GTPBP8: variants seen among roughly 807,000 people sequenced by gnomAD.
GTPBP8 encodes the protein GTP-binding protein 8.
Under a neutral mutation model 27.3 loss-of-function variants are expected in GTPBP8, and 21 were observed. The observed-to-expected ratio is 0.77, with a 90% confidence interval of 0.55 to 1.11. The LOEUF (loss-of-function observed/expected upper bound fraction) is 1.11, where lower values mean the gene tolerates loss of function less well. Among genes scored for constraint, GTPBP8 ranks in the 50% least tolerant of loss-of-function variants. The pLI is 0.00. For missense variants in GTPBP8, 380 were observed against 350.8 expected (o/e 1.08, Z -0.67); for synonymous variants, 147 against 135.3 (o/e 1.09, Z -0.60).
rs1272273403 is a variant in GTPBP8 at position 113,000,921 on chromosome 3, G to A, written c.*2G>A. ...AGTGTAACAGGAAGTCTTGACTAAT[G>A]GTTCCCGGTTTAGCTGAAGATTCAA... On this transcript the variant is annotated 3_prime_UTR_variant, in exon 6 of 6. Transcript: ENST00000383678. 2.0e-6 allele frequency: 3 copies of A among 1,515,152 alleles called. No individual in the cohort carries two copies. The allele number at this position is 1,515,152 out of a possible 1,614,324, so 93.9% of individuals were successfully genotyped here. A position where few individuals can be genotyped will look rare whatever the true frequency, so the allele number is the denominator to read the frequency against.
At position 112,993,053 on chromosome 3, in the gene GTPBP8, G is replaced by T. The variant is rs776244739; in HGVS notation, c.364G>T (p.Gly122Ter). 2 of 1,609,436 alleles carry T rather than the reference G, an allele frequency of 1.2e-6. No individual in the cohort carries two copies. Among genetic ancestry groups the T allele is most frequent in the African/African-American group, 2.7e-5 (2 of 74,770 alleles). Residue 122 changes from glycine to a stop codon, truncating the protein, a stop_gained, in exon 2 of 6, where the codon GGA becomes TGA. Transcript: ENST00000383678. LOFTEE classifies it high-confidence loss of function. The stretch of plus-strand genomic sequence containing the variant: ...GTGTTTTATAGGCAGAAGCAATGTT[G>T]GAAAATCATCTCTAATCAAGGCTTT... ...EVCFIGRSNV[G>*]KSSLIKALFS...
rs1933798795 is a variant in GTPBP8 at position 112,996,944 on chromosome 3, G to C, written c.619G>C (p.Asp207His). ...VDSVVGIQKT[D>H]NIAIEMCEEF... ...TAGCGTTGTTGGAATTCAAAAAACA[G>C]ACAATATTGCCATAGAAATGTGTGA... The change falls in exon 4 of 6, where the codon GAC (aspartate) becomes CAC (histidine). Residue 207 changes from aspartate to histidine, a missense_variant. Physicochemically the swap from Asp to His is moderately conservative, Grantham distance 81. Transcript: ENST00000383678. 6.3e-7 allele frequency: 1 copy of C among 1,582,312 alleles called. No homozygotes were observed. The highest frequency in any genetic ancestry group is 1.7e-5 in the Admixed American group (1 of 59,636).
At chr3:112,991,369 C>G (rs764455070) in intron 1 of GTPBP8, 34 bp downstream of exon 1, 1 of 1,591,420 alleles carries the variant, frequency 6.3e-7, no homozygotes, top group South Asian at 1.1e-5. Flanking sequence ...ACCTGCGCGC[C>G]GGCGTCACAG....
rs1280533124 is a variant in GTPBP8 at position 112,995,144 on chromosome 3, A to G, written c.445A>G (p.Lys149Glu). The G allele has an allele frequency of 1.9e-6, 3 of 1,599,966 alleles. No homozygotes were observed. The Admixed American group carries it at 5.2e-5, about 28-fold the overall frequency. Residue 149 changes from lysine to glutamate, a missense_variant, in exon 3 of 6, where the codon AAG becomes GAG. Coordinates refer to ENST00000383678, the MANE Select transcript of GTPBP8 (RefSeq NM_014170.4). ...VRVSKKPGHT[K>E]KMNFFKVGKH... ...CTATTTACTTTATCAGGGACACACA[A>G]AGAAAATGAATTTTTTCAAAGTTGG...
intron 4 of GTPBP8, among the ~76,000 whole-genome samples, chr3:112,998,668 CAGAG>C (rs1276954110): frequency 3.9e-5 from 6 of 152,008 alleles, no homozygotes; most frequent in East Asian, 1.9e-4. Context: ...GGCAGGAGGT[CAGAG>C]AGATTTTGTT....
Position 113,000,753 on chromosome 3 carries a change from T to G in GTPBP8, c.786-97T>G, listed in dbSNP as rs1275416319. The G allele has an allele frequency of 7.0e-6, 5 of 714,142 alleles. No individual in the cohort carries two copies. The Middle Eastern group carries it at 1.1e-3, about 158-fold the overall frequency. 44.2% of individuals were successfully genotyped at this position (714,142 alleles called of 1,614,324 possible). A position where few individuals can be genotyped will look rare whatever the true frequency, so the allele number is the denominator to read the frequency against. On this transcript the variant is annotated intron_variant, in intron 5 of 5. Transcript: ENST00000383678. ...CATTAAAAGATGTTCTGCTTTCATATATGAAATCATAAGAATTTGTAAATT... is the reference window on the plus strand; with the variant it reads ...CATTAAAAGATGTTCTGCTTTCATAGATGAAATCATAAGAATTTGTAAATT...
At chr3:112,991,588 C>G (rs1463960328) in intron 1 of GTPBP8, 1 of 673,896 alleles carries the variant, frequency 1.5e-6, no homozygotes, top group South Asian at 1.5e-5. Flanking sequence ...AGTCGACCCA[C>G]TGTAAGCAGA....
chr3:112,991,196 T>A lies in GTPBP8; in HGVS notation c.197T>A (p.Leu66His), dbSNP rs898660674. The change falls in exon 1 of 6, where the codon CTT becomes CAT. Residue 66 changes from leucine (L) to histidine (H), a missense_variant. Physicochemically the swap from Leu to His is moderately conservative, Grantham distance 99. Transcript: ENST00000383678. ...RFLAPYGRQD[L>H]HLRIFDPSPE... is the part of the protein sequence containing the mutation. ...CTCGCCCCCTACGGGAGGCAAGACC[T>A]TCACCTGCGTATCTTTGACCCAAGC... 6.2e-7 allele frequency: 1 copy of A among 1,614,038 alleles called. No individual in the cohort carries two copies. The highest frequency in any genetic ancestry group is 1.3e-5 in the African/African-American group (1 of 74,928).
chr3:112,991,313 C>A lies in GTPBP8; in HGVS notation c.314C>A (p.Ala105Asp), dbSNP rs1933672546. 3 of 1,613,548 alleles carry A rather than the reference C, an allele frequency of 1.9e-6. No homozygotes were observed. The highest frequency in any genetic ancestry group is 1.7e-5 in the Admixed American group (1 of 60,016). ...AGCTCCGCCGTCCGTATCGACCACG[C>A]CCCGGACCTTCCGCGGCCAGAGGTG... Reference protein sequence around the residue: ...YVSSAVRIDHAPDLPRPEVCF... With the variant: ...YVSSAVRIDHDPDLPRPEVCF... Residue 105 changes from alanine (A) to aspartate (D), a missense_variant, in exon 1 of 6, where the codon GCC (alanine) becomes GAC (aspartate). Coordinates refer to ENST00000383678, the MANE Select transcript of GTPBP8 (RefSeq NM_014170.4).
intron 4 of GTPBP8, among the ~76,000 whole-genome samples, chr3:112,998,579 TC>T (rs1278113813): frequency 6.6e-6 from 1 of 152,008 alleles, no homozygotes; most frequent in Non-Finnish European, 1.5e-5. Flanking sequence ...TGGGACCCTC[TC>T]TGGAATGAGG....
Position 112,991,091 on chromosome 3 carries a change from A to G in GTPBP8, c.92A>G (p.Gln31Arg), listed in dbSNP as rs749749447. The G allele has an allele frequency of 4.3e-6, 7 of 1,613,972 alleles. No individual in the cohort carries two copies. The African/African-American group carries it at 9.3e-5, about 22-fold the overall frequency. Residue 31 changes from glutamine to arginine, a missense_variant, in exon 1 of 6, where the codon CAA (glutamine) becomes CGA (arginine). Physicochemically the swap from Gln to Arg is conservative, Grantham distance 43. Coordinates refer to ENST00000383678, the MANE Select transcript of GTPBP8 (RefSeq NM_014170.4). ...CTGAGCCGCTATAATAGCACGTCCC[A>G]AGCTTTTGCTGAGGTGCTGCGGCTG... ...ERLSRYNSTS[Q>R]AFAEVLRLPK...
At chr3:112,996,803 G>T in intron 3 of GTPBP8, 89 bp from the exon 4 acceptor site, 1 of 676,144 alleles carries the variant, frequency 1.5e-6, no homozygotes, top group South Asian at 1.6e-5. Context: ...ATTATTCAAA[G>T]AAGAATTTCT....
At position 112,991,092 on chromosome 3, in the gene GTPBP8, A is replaced by G. The variant is rs370658309; in HGVS notation, c.93A>G (p.Gln31=). The part of the protein sequence containing the change: ...ERLSRYNSTS[Q]AFAEVLRLPK... The stretch of plus-strand genomic sequence containing the variant: ...TGAGCCGCTATAATAGCACGTCCCA[A>G]GCTTTTGCTGAGGTGCTGCGGCTGC... The change falls in exon 1 of 6, where the codon CAA becomes CAG. Residue 31 remains glutamine (Q), a synonymous_variant. Transcript: ENST00000383678. 2.5e-6 allele frequency: 4 copies of G among 1,613,982 alleles called. No homozygotes were observed. The highest frequency in any genetic ancestry group is 3.4e-6 in the Non-Finnish European group (4 of 1,180,028).
rs745633594 is a variant in GTPBP8 at position 112,999,577 on chromosome 3, T to G, written c.785+13T>G. The G allele has an allele frequency of 9.9e-7, 1 of 1,006,246 alleles. No individual in the cohort carries two copies. The highest frequency in any genetic ancestry group is 2.5e-5 in the East Asian group (1 of 40,028). The allele number at this position is 1,006,246 out of a possible 1,614,324, so 62.3% of individuals were successfully genotyped here. A position where few individuals can be genotyped will look rare whatever the true frequency, so the allele number is the denominator to read the frequency against. The stretch of plus-strand genomic sequence containing the variant: ...TGTTTCCTGTAAGGTAAGAGTTGAA[T>G]TGTTTTGTTTTTTGTTTTTTATGAA... On this transcript the variant is annotated intron_variant, in intron 5 of 5. Transcript: ENST00000383678.
chr3:113,000,983 A>ATACC lies in GTPBP8; in HGVS notation c.*67_*70dup. On this transcript the variant is annotated 3_prime_UTR_variant, in exon 6 of 6. Transcript: ENST00000383678. The stretch of plus-strand genomic sequence containing the variant: ...AAAGCTTTATGCTAACTGGAGTTAA[A>ATACC]TACCTAGAAGAATTTCAACATTGTT... 1.1e-6 allele frequency: 1 copy of ATACC among 880,188 alleles called. No homozygotes were observed. Among genetic ancestry groups the ATACC allele is most frequent in the Non-Finnish European group, 1.8e-6 (1 of 542,714 alleles). The allele number at this position is 880,188 out of a possible 1,614,324, so 54.5% of individuals were successfully genotyped here.
In GTPBP8 at chr3:112,996,220, A is replaced by G. The variant is rs1933783774; in HGVS notation, c.567-672A>G. ...ACGCCTGTAATCTCAGCACTTTGGG[A>G]GGCCGAGGTCGGCGGATCACTTGAG... is the stretch of plus-strand genomic sequence containing the variant. On this transcript the variant is annotated intron_variant, in intron 3 of 5. Transcript: ENST00000383678. Among the ~76,000 whole-genome samples, 5 of 152,114 alleles carry G rather than the reference A, an allele frequency of 3.3e-5. No homozygotes were observed. In the South Asian group the frequency reaches 1.0e-3, roughly 32 times the overall value.
chr3:113,000,238 A>T (rs1303454110), intron 5 of GTPBP8, among the ~76,000 whole-genome samples: 2 of 140,258 alleles, frequency 1.4e-5, no homozygotes, highest in East Asian at 2.0e-4. Context: ...AAATTAAAAT[A>T]AAAAAAAAAA....
chr3:112,993,280 A>G (rs1237671882), intron 2 of GTPBP8, among the ~76,000 whole-genome samples, 156 bp downstream of exon 2: 1 of 152,240 alleles, frequency 6.6e-6, no homozygotes, highest in Non-Finnish European at 1.5e-5. Context: ...ATGCCTGTGT[A>G]TTCCTCTGAA....
chr3:112,992,650 A>G, intron 1 of GTPBP8: 1 of 161,524 alleles, frequency 6.2e-6, no homozygotes, highest in Non-Finnish European at 1.3e-5. Context: ...AACTACATCT[A>G]GTTTTTACTC....
Sources: gnomAD v4.1 joint callset for allele counts (sites outside exome capture counted in the v4.1 genomes callset) on GRCh38, gnomAD v4.1.1 for gene constraint, MANE v1.5 for transcripts, NCBI Gene and HGNC (gene_info 2026-07-23, HGNC 2026-07-21) for gene names.